Variants in PDE11A observed in about 807,000 individuals in gnomAD.
The protein encoded by PDE11A is phosphodiesterase 11A, also known as dual 3',5'-cyclic-AMP and -GMP phosphodiesterase 11A.
A neutral mutation model predicts 100.5 loss-of-function variants in PDE11A; 100 were observed. That is an observed-to-expected ratio of 1.00 (90% CI 0.85 to 1.18). PDE11A has a LOEUF of 1.18. Among genes scored for constraint, PDE11A ranks in the 50% most tolerant of loss-of-function variants. The pLI, the probability that PDE11A is intolerant of heterozygous loss-of-function variation, is 0.00. For missense variants in PDE11A, 1,141 were observed against 1,152.6 expected (o/e 0.99, Z 0.15); for synonymous variants, 381 against 420.8 (o/e 0.91, Z 1.16).
intron 19 of PDE11A, among the ~76,000 whole-genome samples, chr2:177,634,006 G>A (rs1267719757): frequency 2.0e-5 from 3 of 152,076 alleles, no homozygotes; most frequent in Non-Finnish European, 4.4e-5. Flanking sequence ...TGAAGCTGCT[G>A]GGAAATGATC....
At chr2:178,022,418 C>T (rs2086423900) in intron 1 of PDE11A, among the ~76,000 whole-genome samples, 1 of 151,986 alleles carries the variant, frequency 6.6e-6, no homozygotes, top group South Asian at 2.1e-4. Flanking sequence ...TGTGGGTCAT[C>T]CACATGGTAC....
At chr2:177,700,426 C>A (rs1295643277) in intron 14 of PDE11A, among the ~76,000 whole-genome samples, 1 of 149,996 alleles carries the variant, frequency 6.7e-6, no homozygotes, top group Non-Finnish European at 1.5e-5. Flanking sequence ...AAAGTCTGTA[C>A]GCTTGCAGAA....
intron 5 of PDE11A, among the ~76,000 whole-genome samples, chr2:177,848,638 T>C (rs2083643460): frequency 6.6e-6 from 1 of 152,070 alleles, no homozygotes; most frequent in South Asian, 2.1e-4. Context: ...TGTGGAGGGA[T>C]AAAAGAGAAT....
At chr2:177,810,735 G>A (rs1221167368) in intron 9 of PDE11A, among the ~76,000 whole-genome samples, 5 of 152,246 alleles carry the variant, frequency 3.3e-5, no homozygotes, top group Non-Finnish European at 7.3e-5. Context: ...AGGTAATGGG[G>A]GAGTAATTTA....
At chr2:177,739,305 G>A (rs546159488) in intron 10 of PDE11A, among the ~76,000 whole-genome samples, 4 of 152,284 alleles carry the variant, frequency 2.6e-5, no homozygotes, top group Admixed American at 6.5e-5. Context: ...GGAACCTTGG[G>A]ATTAGACTTA....
intron 10 of PDE11A, among the ~76,000 whole-genome samples, chr2:177,749,981 T>C (rs2082004551): frequency 6.6e-6 from 1 of 152,232 alleles, no homozygotes; most frequent in Non-Finnish European, 1.5e-5. Context: ...TTGGGTTTCA[T>C]TTACAACAGT....
intron 6 of PDE11A, among the ~76,000 whole-genome samples, chr2:177,837,685 G>A (rs1053736384): frequency 6.6e-6 from 1 of 151,996 alleles, no homozygotes; most frequent in Non-Finnish European, 1.5e-5. Context: ...CCTTCTCTGA[G>A]CTACCCTTAA....
intron 13 of PDE11A, among the ~76,000 whole-genome samples, chr2:177,704,850 C>CTT (rs139274145): frequency 1.3e-5 from 2 of 151,136 alleles, no homozygotes; most frequent in Non-Finnish European, 3.0e-5. Context: ...TGTGAAACCT[C>CTT]TTTTTTTTTG....
At chr2:177,828,274 A>C (rs1361477172) in intron 6 of PDE11A, among the ~76,000 whole-genome samples, 1 of 152,146 alleles carries the variant, frequency 6.6e-6, no homozygotes, top group Non-Finnish European at 1.5e-5. Flanking sequence ...AGTTCATGTC[A>C]ATATATAATA....
chr2:178,015,399 T>TA (rs1055686837), intron 1 of PDE11A, among the ~76,000 whole-genome samples: 1 of 152,006 alleles, frequency 6.6e-6, no homozygotes, highest in Non-Finnish European at 1.5e-5. Context: ...GCTGGATGCT[T>TA]AAAAAATGTC....
intron 10 of PDE11A, among the ~76,000 whole-genome samples, chr2:177,730,922 T>C (rs2081678586): frequency 6.6e-6 from 1 of 152,154 alleles, no homozygotes; most frequent in Non-Finnish European, 1.5e-5. Flanking sequence ...TGAAACTCCA[T>C]ACTTATTAAA....
At chr2:178,045,937 T>C (rs1326146433) in intron 1 of PDE11A, among the ~76,000 whole-genome samples, 1 of 152,198 alleles carries the variant, frequency 6.6e-6, no homozygotes, top group East Asian at 1.9e-4. Context: ...CTGAATGTAA[T>C]CCTTAATATT....
chr2:178,029,228 G>A (rs2086515710), intron 1 of PDE11A, among the ~76,000 whole-genome samples: 1 of 152,120 alleles, frequency 6.6e-6, no homozygotes, highest in Non-Finnish European at 1.5e-5. Flanking sequence ...TTCACCAAAA[G>A]CTAAGTCATC....
At chr2:177,806,159 T>C (rs1403574373) in intron 9 of PDE11A, among the ~76,000 whole-genome samples, 1 of 152,146 alleles carries the variant, frequency 6.6e-6, no homozygotes, top group African/African-American at 2.4e-5. Context: ...GCCACAGGAA[T>C]TTGCTGTGAA....
chr2:177,939,533 A>G (rs7571919), intron 2 of PDE11A, among the ~76,000 whole-genome samples: 1,108 of 49,502 alleles, frequency 0.022, 3 homozygotes, highest in Non-Finnish European at 0.038. Flanking sequence ...GGGAGGGAGG[A>G]AGGAAGGAAG....
At chr2:178,080,765 T>G (rs147390004) in intron 2 of PDE11A, among the ~76,000 whole-genome samples, 1 of 152,100 alleles carries the variant, frequency 6.6e-6, no homozygotes, top group Non-Finnish European at 1.5e-5. Flanking sequence ...TATGGCTTGA[T>G]TCAAAGATGA....
At chr2:177,921,170 G>A (rs10171079) in intron 2 of PDE11A, among the ~76,000 whole-genome samples, 12,896 of 148,808 alleles carry the variant, frequency 0.087, 522 homozygotes, top group South Asian at 0.1. Context: ...CCCAAACATC[G>A]CAAGATCCAG....
intron 13 of PDE11A, among the ~76,000 whole-genome samples, chr2:177,707,968 G>GT (rs1386060227): frequency 3.3e-5 from 5 of 152,168 alleles, no homozygotes; most frequent in African/African-American, 9.7e-5. Flanking sequence ...TGGTAGAGTG[G>GT]TAGGGGGCTG....
chr2:177,817,876 T>C lies in PDE11A; in HGVS notation c.1626A>G (p.Ala542=), dbSNP rs6720891. The change falls in exon 8 of 20, where the codon GCA becomes GCG. Residue 542 remains alanine, a synonymous_variant. Transcript: ENST00000286063. The part of the protein sequence containing the change: ...NRLDGKPFDD[A]DQRLFEAFVI... The stretch of plus-strand genomic sequence containing the variant: ...TTCTTACCTCAAAAAGTCGTTGATC[T>C]GCATCATCAAAAGGTTTCCCATCAA... 0.32 allele frequency: 488,930 copies of C among 1,508,260 alleles called. 85,470 individuals carry two copies. The highest frequency in any genetic ancestry group is 0.65 in the African/African-American group (46,304 of 71,546). 93.4% of individuals were successfully genotyped at this position (1,508,260 alleles called of 1,614,324 possible).
Sources: allele counts gnomAD v4.1 joint callset (sites outside exome capture counted in the v4.1 genomes callset), GRCh38; gene constraint gnomAD v4.1.1; transcripts MANE v1.5; gene names NCBI Gene and HGNC (gene_info 2026-07-23, HGNC 2026-07-21).